TPGS2: variants seen among roughly 807,000 people sequenced by gnomAD.
TPGS2 encodes polyglutamylase subunit 2.
In TPGS2, 26 loss-of-function variants were observed where a neutral mutation model predicts 31.1. That is an observed-to-expected ratio of 0.84 (90% CI 0.61 to 1.16). The LOEUF (loss-of-function observed/expected upper bound fraction) is 1.16. Among genes scored for constraint, TPGS2 ranks in the 50% most tolerant of loss-of-function variants. The pLI, the probability that TPGS2 is intolerant of heterozygous loss-of-function variation, is 0.00. For missense variants in TPGS2, 351 were observed against 363.8 expected (o/e 0.96, Z 0.29); for synonymous variants, 130 against 136.6 (o/e 0.95, Z 0.34).
At chr18:36,791,898 C>CGT (rs1035286834), downstream of TPGS2, among the ~76,000 whole-genome samples, 3 of 151,648 alleles carry the variant, frequency 2.0e-5, no homozygotes, top group Non-Finnish European at 4.4e-5. Context: ...AACCAGGTGG[C>CGT]GTGTGCCTCT....
chr18:36,806,554 T>C (rs2045142657), intron 3 of TPGS2, among the ~76,000 whole-genome samples: 1 of 152,032 alleles, frequency 6.6e-6, no homozygotes, highest in Non-Finnish European at 1.5e-5. Flanking sequence ...ACTAGCAAGC[T>C]ATAAAAAAGT....
In TPGS2 at chr18:36,798,441, TC is replaced by T; in HGVS notation, c.657+7del. 2 of 1,614,122 alleles carry T rather than the reference TC, an allele frequency of 1.2e-6. No individual in the cohort carries two copies. Among genetic ancestry groups the T allele is most frequent in the Non-Finnish European group, 1.7e-6 (2 of 1,180,006 alleles). On this transcript the variant is annotated splice_region_variant and intron_variant, in intron 6 of 6. Coordinates refer to ENST00000334295, the MANE Select transcript of TPGS2 (RefSeq NM_015476.4). ...CATAGTTTACAATGGCAGGTGTTCC[TC>T]CCTTACCTTGGCCTGTGGGCTAATG...
intron 3 of TPGS2, 130 bp from the exon 4 acceptor site, chr18:36,805,632 G>T: frequency 7.8e-7 from 1 of 1,278,742 alleles, no homozygotes; most frequent in Non-Finnish European, 1.1e-6. Context: ...CTGATGGAAG[G>T]TGGGAAGAAG....
chr18:36,797,366 G>A (rs1210304269), intron 6 of TPGS2, among the ~76,000 whole-genome samples: 1 of 150,958 alleles, frequency 6.6e-6, no homozygotes, highest in African/African-American at 2.4e-5. Context: ...CAAAGCACTA[G>A]AGGACAGCGT....
chr18:36,823,441 ACTTC>A (rs962606760), intron 1 of TPGS2, among the ~76,000 whole-genome samples: 2 of 141,026 alleles, frequency 1.4e-5, no homozygotes, highest in Non-Finnish European at 3.0e-5. Context: ...AATCTCTCTG[ACTTC>A]CTTGTTAACA....
At chr18:36,787,775 G>C (rs2044175591) in intron 6 of TPGS2, among the ~76,000 whole-genome samples, 1 of 152,226 alleles carries the variant, frequency 6.6e-6, no homozygotes, top group South Asian at 2.1e-4. Context: ...ATGCGATTAG[G>C]AATGTTGTGA....
chr18:36,813,726 G>A (rs2045530919), intron 2 of TPGS2, among the ~76,000 whole-genome samples: 1 of 152,186 alleles, frequency 6.6e-6, no homozygotes, highest in South Asian at 2.1e-4. Context: ...TAGCTAAATA[G>A]CTAGAAGGAG....
intron 1 of TPGS2, among the ~76,000 whole-genome samples, chr18:36,826,785 C>A (rs762759622): frequency 4.6e-5 from 7 of 152,096 alleles, no homozygotes; most frequent in Non-Finnish European, 1.0e-4. Flanking sequence ...AACCCTAATA[C>A]AATTTTTGTT....
intron 4 of TPGS2, among the ~76,000 whole-genome samples, chr18:36,801,725 C>T (rs1192876058): frequency 6.6e-6 from 1 of 151,950 alleles, no homozygotes; most frequent in Non-Finnish European, 1.5e-5. Context: ...TGTAATTTGT[C>T]TTTTCCCTTT....
At chr18:36,824,468 G>A (rs1004614053) in intron 1 of TPGS2, among the ~76,000 whole-genome samples, 3 of 152,138 alleles carry the variant, frequency 2.0e-5, no homozygotes, top group African/African-American at 7.2e-5. Flanking sequence ...CAAAGCTGCC[G>A]TACCATTTTA....
At chr18:36,798,339 C>G (rs2044631701) in intron 6 of TPGS2, 110 bp downstream of exon 6, 1 of 1,558,422 alleles carries the variant, frequency 6.4e-7, no homozygotes, top group Non-Finnish European at 8.7e-7. Context: ...CTGGGCCCCA[C>G]CCTAGATCTC....
intron 1 of TPGS2, among the ~76,000 whole-genome samples, chr18:36,820,721 T>C (rs1218719066): frequency 6.6e-6 from 1 of 152,226 alleles, no homozygotes; most frequent in Non-Finnish European, 1.5e-5. Flanking sequence ...CCAAACCTAA[T>C]GCTGTTTTTA....
At chr18:36,785,159 C>T (rs11661556) in intron 6 of TPGS2, among the ~76,000 whole-genome samples, 18,131 of 152,018 alleles carry the variant, frequency 0.12, 1,332 homozygotes, top group Admixed American at 0.17. Context: ...ATTAGCTGGG[C>T]GTGGTGGCAT....
downstream of TPGS2, among the ~76,000 whole-genome samples, chr18:36,782,111 G>T (rs1187124414): frequency 1.3e-5 from 2 of 152,144 alleles, no homozygotes; most frequent in Non-Finnish European, 2.9e-5. Context: ...CTGTATTTTT[G>T]TCACACTGTT....
chr18:36,823,778 G>A (rs951294920), intron 1 of TPGS2: 9 of 970,976 alleles, frequency 9.3e-6, no homozygotes, highest in Non-Finnish European at 1.1e-5. Context: ...GTTTTAAAGG[G>A]CTTATGTGAT....
rs1477449034 is a variant in TPGS2 at position 36,795,498 on chromosome 18, C to G, written c.*1307G>C. The G allele has an allele frequency of 1.0e-6, 1 of 985,438 alleles. No individual in the cohort carries two copies. Among genetic ancestry groups the G allele is most frequent in the Non-Finnish European group, 1.2e-6 (1 of 829,950 alleles). The allele number at this position is 985,438 out of a possible 1,614,324, so 61.0% of individuals were successfully genotyped here. ...ACTTGGGGCTAGGTGGGTGACTCCCCACTTTCCCTGTTGGGAAGCAGGGTG... is the reference window on the plus strand; with the variant it reads ...ACTTGGGGCTAGGTGGGTGACTCCCGACTTTCCCTGTTGGGAAGCAGGGTG... On this transcript the variant is annotated 3_prime_UTR_variant, in exon 7 of 7. Transcript: ENST00000334295.
chr18:36,801,788 G>GTGTT (rs1161387449), intron 4 of TPGS2, among the ~76,000 whole-genome samples: 1 of 152,066 alleles, frequency 6.6e-6, no homozygotes, highest in African/African-American at 2.4e-5. Flanking sequence ...TCTGATTATG[G>GTGTT]TGTTTCTTGT....
Position 36,795,790 on chromosome 18 carries a change from A to T in TPGS2, c.*1015T>A. The T allele has an allele frequency of 1.0e-6, 1 of 985,452 alleles. No individual in the cohort carries two copies. Among genetic ancestry groups the T allele is most frequent in the Non-Finnish European group, 1.2e-6 (1 of 829,938 alleles). The allele number at this position is 985,452 out of a possible 1,614,324, so 61.0% of individuals were successfully genotyped here. A position where few individuals can be genotyped will look rare whatever the true frequency, so the allele number is the denominator to read the frequency against. On this transcript the variant is annotated 3_prime_UTR_variant, in exon 7 of 7. Coordinates refer to ENST00000334295, the MANE Select transcript of TPGS2 (RefSeq NM_015476.4). ...TCTAAGCAGGAGACTGCTTGTCCTA[A>T]GGATGGCCAGGGACCAGGCAAAGTG...
At chr18:36,827,922 A>G (rs2046248426) in intron 1 of TPGS2, among the ~76,000 whole-genome samples, 1 of 152,232 alleles carries the variant, frequency 6.6e-6, no homozygotes, top group Admixed American at 6.5e-5. Context: ...GAAACGTTTG[A>G]TAGGCCAGGC....
Sources: gnomAD v4.1 joint callset for allele counts (sites outside exome capture counted in the v4.1 genomes callset) on GRCh38, gnomAD v4.1.1 for gene constraint, MANE v1.5 for transcripts, NCBI Gene and HGNC (gene_info 2026-07-23, HGNC 2026-07-21) for gene names.